Variants in ARHGAP24 observed in about 807,000 individuals in gnomAD.
ARHGAP24 encodes rho GTPase-activating protein 24.
A neutral mutation model predicts 76.4 loss-of-function variants in ARHGAP24; 50 were observed. The observed-to-expected ratio is 0.65, with a 90% CI of 0.52 to 0.83. The LOEUF is 0.83. Among genes scored for constraint, ARHGAP24 ranks in the 40% least tolerant of loss-of-function variants. The pLI, the probability that ARHGAP24 is intolerant of heterozygous loss-of-function variation, is 0.00. For missense variants in ARHGAP24, 930 were observed against 914.2 expected, an observed-to-expected ratio of 1.02 and a Z score of -0.22; for synonymous variants, 345 against 323.3, an observed-to-expected ratio of 1.07 and a Z score of -0.72.
chr4:85,985,908 T>C (rs1173525108), intron 8 of ARHGAP24, among the ~76,000 whole-genome samples: 1 of 152,182 alleles, frequency 6.6e-6, no homozygotes, highest in East Asian at 1.9e-4. Context: ...AGTGAAATGG[T>C]TTTTTATTTC....
intron 5 of ARHGAP24, among the ~76,000 whole-genome samples, chr4:85,955,076 C>T (rs560132031): frequency 6.6e-6 from 1 of 152,298 alleles, no homozygotes; most frequent in South Asian, 2.1e-4. Context: ...GCTACACATT[C>T]TCATGGCTTT....
At chr4:85,843,799 A>G (rs547190690) in intron 3 of ARHGAP24, among the ~76,000 whole-genome samples, 31 of 152,262 alleles carry the variant, frequency 2.0e-4, no homozygotes, top group African/African-American at 7.2e-4. Context: ...ACTATGTAAT[A>G]TAATATTTAA....
At chr4:85,580,012 C>A (rs1256453490) in intron 2 of ARHGAP24, among the ~76,000 whole-genome samples, 1 of 152,030 alleles carries the variant, frequency 6.6e-6, no homozygotes, top group Non-Finnish European at 1.5e-5. Context: ...GTATGTTTAA[C>A]CTTTTGAGGA....
chr4:85,971,761 C>A (rs557181368), intron 5 of ARHGAP24, among the ~76,000 whole-genome samples: 1 of 152,132 alleles, frequency 6.6e-6, no homozygotes, highest in Non-Finnish European at 1.5e-5. Context: ...CCCACTCCCA[C>A]CCCACCCACG....
intron 3 of ARHGAP24, among the ~76,000 whole-genome samples, chr4:85,870,016 T>G (rs934434165): frequency 1.3e-5 from 2 of 152,138 alleles, no homozygotes; most frequent in African/African-American, 4.8e-5. Flanking sequence ...ATCTGTAAAA[T>G]GGGCCTGACA....
chr4:85,723,025 C>A (rs1046662360), intron 3 of ARHGAP24, among the ~76,000 whole-genome samples: 1 of 152,276 alleles, frequency 6.6e-6, no homozygotes, highest in South Asian at 2.1e-4. Context: ...TAGTCAGATG[C>A]AATGTGTTAT....
chr4:85,497,202 AT>A (rs1723617845), intron 1 of ARHGAP24, among the ~76,000 whole-genome samples: 1 of 152,200 alleles, frequency 6.6e-6, no homozygotes, highest in Admixed American at 6.5e-5. Context: ...TGGTGAATAA[AT>A]CCCACCATGC....
chr4:86,001,009 T>C lies in ARHGAP24; in HGVS notation c.*287T>C. ...ATTTCAAGAATTATTTTATTGCAAG[T>C]CTTGTATTTAAATGTTAAATCAATA... On this transcript the variant is annotated 3_prime_UTR_variant, in exon 10 of 10. Transcript: ENST00000395184. 2.0e-6 allele frequency: 1 copy of C among 508,744 alleles called. No individual in the cohort carries two copies. The highest frequency in any genetic ancestry group is 3.2e-5 in the East Asian group (1 of 30,928). The allele number at this position is 508,744 out of a possible 1,614,324, so 31.5% of individuals were successfully genotyped here.
chr4:85,759,367 C>T (rs1309794860), intron 3 of ARHGAP24, among the ~76,000 whole-genome samples: 1 of 152,026 alleles, frequency 6.6e-6, no homozygotes, highest in African/African-American at 2.4e-5. Context: ...AACCAGCCCT[C>T]AAAATATAGA....
chr4:85,639,701 G>C lies in ARHGAP24; in HGVS notation c.180+68980G>C, dbSNP rs1361326831. On this transcript the variant is annotated intron_variant, in intron 2 of 9. Transcript: ENST00000395184. ...TGTCTATTTATTGGAGGGAATAATTGGTAAAAAAAAAAAAAGGAGGGGAGA... is the reference window on the plus strand; with the variant it reads ...TGTCTATTTATTGGAGGGAATAATTCGTAAAAAAAAAAAAAGGAGGGGAGA... 1.9e-4 allele frequency among the ~76,000 whole-genome samples: 5 copies of C among 25,716 alleles called. No individual in the cohort carries two copies. In the East Asian group the frequency reaches 9.3e-3, roughly 48 times the overall value. The allele number at this position is 25,716 out of a possible 152,430, so 16.9% of individuals were successfully genotyped here.
At chr4:85,690,399 T>C (rs1213861914) in intron 2 of ARHGAP24, among the ~76,000 whole-genome samples, 38 of 152,220 alleles carry the variant, frequency 2.5e-4, no homozygotes, top group Admixed American at 2.4e-3. Context: ...AGTTCGTTCT[T>C]GTATGCCTGG....
At chr4:85,700,996 A>G (rs1322505314) in intron 2 of ARHGAP24, among the ~76,000 whole-genome samples, 1 of 152,172 alleles carries the variant, frequency 6.6e-6, no homozygotes, top group African/African-American at 2.4e-5. Context: ...TTGGAAATTC[A>G]TGAATTAAGA....
At chr4:85,780,599 C>T (rs1467103755) in intron 3 of ARHGAP24, among the ~76,000 whole-genome samples, 7 of 152,088 alleles carry the variant, frequency 4.6e-5, no homozygotes, top group African/African-American at 1.4e-4. Context: ...CTTCCTTCAA[C>T]CTCAACAACC....
In ARHGAP24 at chr4:85,863,312, G is replaced by A. The variant is rs977920425; in HGVS notation, c.269-60336G>A. 5.3e-5 allele frequency among the ~76,000 whole-genome samples: 8 copies of A among 151,924 alleles called. 1 individual carries two copies. The South Asian group carries it at 6.2e-4, about 12-fold the overall frequency. ...TTTGTTAACCACCCTAAATAATGCAGGCTGCCATGCCATTATTTTCTATCA... is the reference window on the plus strand; with the variant it reads ...TTTGTTAACCACCCTAAATAATGCAAGCTGCCATGCCATTATTTTCTATCA... On this transcript the variant is annotated intron_variant, in intron 3 of 9. Transcript: ENST00000395184.
chr4:85,616,835 C>A (rs1408521329), intron 2 of ARHGAP24, among the ~76,000 whole-genome samples: 2 of 151,974 alleles, frequency 1.3e-5, no homozygotes, highest in African/African-American at 2.4e-5. Context: ...ACCATGTTGA[C>A]CAGGCTGGTC....
At chr4:85,803,449 G>A (rs948738570) in intron 3 of ARHGAP24, among the ~76,000 whole-genome samples, 5 of 152,144 alleles carry the variant, frequency 3.3e-5, no homozygotes, top group Non-Finnish European at 7.4e-5. Context: ...GAGGAAGAAG[G>A]GACAGCGTAA....
chr4:85,518,177 A>G (rs750202834), intron 1 of ARHGAP24, among the ~76,000 whole-genome samples: 2 of 152,112 alleles, frequency 1.3e-5, no homozygotes, highest in Non-Finnish European at 1.5e-5. Context: ...AAGCAAAATA[A>G]TATGTAAGGT....
At chr4:85,976,588 T>G (rs1739340471) in intron 7 of ARHGAP24, among the ~76,000 whole-genome samples, 1 of 152,146 alleles carries the variant, frequency 6.6e-6, no homozygotes, top group Non-Finnish European at 1.5e-5. Context: ...TAGCAAGCCA[T>G]GAAATTATAG....
chr4:85,782,171 G>A (rs1210285786), intron 3 of ARHGAP24, among the ~76,000 whole-genome samples: 1 of 151,740 alleles, frequency 6.6e-6, no homozygotes, highest in Non-Finnish European at 1.5e-5. Context: ...AAACACCGCT[G>A]TTTTAAACTG....
Sources: gnomAD v4.1 joint callset for allele counts (sites outside exome capture counted in the v4.1 genomes callset) on GRCh38, gnomAD v4.1.1 for gene constraint, MANE v1.5 for transcripts, NCBI Gene and HGNC (gene_info 2026-07-23, HGNC 2026-07-21) for gene names.